SKP2: variants seen among roughly 807,000 people sequenced by gnomAD.
SKP2 encodes the protein S-phase kinase associated protein 2.
In SKP2, 16 loss-of-function variants were observed where a neutral mutation model predicts 51.8. The observed-to-expected ratio is 0.31, with a 90% CI of 0.21 to 0.47. SKP2 has a LOEUF of 0.47. Ranked by LOEUF, SKP2 falls within the 20% of genes least tolerant of loss-of-function variation. The pLI, the probability that SKP2 is intolerant of heterozygous loss-of-function variation, is 1.00. For synonymous variants in SKP2, 176 were observed against 198.6 expected, an observed-to-expected ratio of 0.89 and a Z score of 0.96; for missense variants, 377 against 505.3, an observed-to-expected ratio of 0.75 and a Z score of 2.43.
At chr5:36,160,951 G>A (rs1202729342) in intron 2 of SKP2, among the ~76,000 whole-genome samples, 5 of 152,072 alleles carry the variant, frequency 3.3e-5, no homozygotes, top group African/African-American at 9.7e-5. Flanking sequence ...CCTGAAGGGC[G>A]TGAGGCTAGG....
chr5:36,181,848 A>G lies in SKP2; in HGVS notation c.1092A>G (p.Thr364=), dbSNP rs200260153. The G allele has an allele frequency of 6.2e-7, 1 of 1,613,686 alleles. No individual in the cohort carries two copies. The highest frequency in any genetic ancestry group is 1.3e-5 in the African/African-American group (1 of 75,034). ...TTGGAGAAATTCCCACACTAAAAAC[A>G]CTACAAGTTTTTGGAATCGTGCCAG... ...LELGEIPTLK[T]LQVFGIVPDG... is the part of the protein sequence containing the mutation. The change falls in exon 10 of 10, where the codon ACA becomes ACG. Residue 364 remains threonine, a synonymous_variant. Coordinates refer to ENST00000274255, the MANE Select transcript of SKP2 (RefSeq NM_005983.4).
chr5:36,180,341 T>G (rs1324308268), intron 9 of SKP2: 1 of 937,804 alleles, frequency 1.1e-6, no homozygotes, highest in Non-Finnish European at 1.5e-6. Flanking sequence ...ACTTCGACAG[T>G]GTTTCTACAT....
At chr5:36,153,373 T>C (rs1358951817) in intron 2 of SKP2, among the ~76,000 whole-genome samples, 1 of 152,154 alleles carries the variant, frequency 6.6e-6, no homozygotes, top group African/African-American at 2.4e-5. Context: ...ACATAAACAG[T>C]GGTCTTCTTG....
intron 9 of SKP2, 76 bp downstream of exon 9, chr5:36,177,368 T>A (rs1362011948): frequency 4.5e-6 from 4 of 893,130 alleles, no homozygotes; most frequent in Non-Finnish European, 7.5e-6. Flanking sequence ...AAAATCCATT[T>A]TTATTAATAG....
intron 9 of SKP2, 32 bp from the exon 10 acceptor site, chr5:36,181,786 G>C (rs536339459): frequency 3.5e-5 from 57 of 1,612,330 alleles, no homozygotes; most frequent in Non-Finnish European, 4.8e-5. Flanking sequence ...CATAGATACT[G>C]CTATTCTGAA....
At chr5:36,175,378 T>C (rs954641829) in intron 7 of SKP2, among the ~76,000 whole-genome samples, 5 of 152,046 alleles carry the variant, frequency 3.3e-5, no homozygotes, top group African/African-American at 1.2e-4. Flanking sequence ...AACGGTATGT[T>C]GAGGAGGCAG....
At chr5:36,192,257 A>G (rs1490920220) in intron 6 of SKP2, among the ~76,000 whole-genome samples, 1 of 152,168 alleles carries the variant, frequency 6.6e-6, no homozygotes, top group African/African-American at 2.4e-5. Flanking sequence ...AAAAAATAAA[A>G]TTGAACTATT....
At chr5:36,165,209 A>G (rs1745247861) in intron 3 of SKP2, among the ~76,000 whole-genome samples, 1 of 152,164 alleles carries the variant, frequency 6.6e-6, no homozygotes, top group Non-Finnish European at 1.5e-5. Context: ...AGAGGTGAGG[A>G]AACTGCAGGG....
rs1364462782 is a variant in SKP2 at position 36,182,320 on chromosome 5, C to T, written c.*289C>T. On this transcript the variant is annotated 3_prime_UTR_variant, in exon 10 of 10. Transcript: ENST00000274255. ...ACCTTAAAGAGCAAAATTTGAGCCA[C>T]CTCTTCCAAGTGCCCTTCTTACTAA... 2 of 1,141,994 alleles carry T rather than the reference C, an allele frequency of 1.8e-6. No homozygotes were observed. The highest frequency in any genetic ancestry group is 4.9e-5 in the East Asian group (1 of 20,444). 70.7% of individuals were successfully genotyped at this position (1,141,994 alleles called of 1,614,324 possible). A position where few individuals can be genotyped will look rare whatever the true frequency, so the allele number is the denominator to read the frequency against.
At chr5:36,180,306 A>G (rs1481374345) in intron 9 of SKP2, 4 of 1,296,586 alleles carry the variant, frequency 3.1e-6, no homozygotes, top group Non-Finnish European at 4.1e-6. Context: ...GATTAAGTAT[A>G]AGTATCTGTG....
chr5:36,162,738 C>T (rs1745160801), intron 2 of SKP2, among the ~76,000 whole-genome samples: 3 of 152,132 alleles, frequency 2.0e-5, no homozygotes, highest in Admixed American at 2.0e-4. Context: ...TGAAAGAAAG[C>T]ATATTAGTCT....
At chr5:36,192,918 C>T (rs1009584207) in intron 7 of SKP2, 5 of 151,970 alleles carry the variant, frequency 3.3e-5, no homozygotes, top group South Asian at 4.2e-4. Flanking sequence ...CATAGGGTTG[C>T]GATTAAAAGG....
rs147830486 is a variant in SKP2 at position 36,182,034 on chromosome 5, T to C, written c.*3T>C. On this transcript the variant is annotated 3_prime_UTR_variant, in exon 10 of 10. Coordinates refer to ENST00000274255, the MANE Select transcript of SKP2 (RefSeq NM_005983.4). ...TGCAAAAGCCCAGTTGTCTATGAAG[T>C]ATTTATTGCAGGATGGTGTCTCTTC... The C allele has an allele frequency of 6.2e-7, 1 of 1,613,858 alleles. No individual in the cohort carries two copies. The highest frequency in any genetic ancestry group is 8.5e-7 in the Non-Finnish European group (1 of 1,179,820).
At chr5:36,189,783 G>C (rs1006111636) in intron 6 of SKP2, among the ~76,000 whole-genome samples, 1 of 152,204 alleles carries the variant, frequency 6.6e-6, no homozygotes, top group Non-Finnish European at 1.5e-5. Context: ...AGAGGTTTCT[G>C]CTGCCTTTTG....
At position 36,190,895 on chromosome 5, in the gene SKP2, T is replaced by C. The variant is rs1746009830; in HGVS notation, c.633-1726T>C. ...ATTTTCCTGCGTGAATCCTGAAGCATTGTATATCAAGATGGTGTTGACAAT... is the reference window on the plus strand; with the variant it reads ...ATTTTCCTGCGTGAATCCTGAAGCACTGTATATCAAGATGGTGTTGACAAT... On this transcript the variant is annotated intron_variant, in intron 6 of 7. Transcript: ENST00000677886. 2.6e-5 allele frequency among the ~76,000 whole-genome samples: 4 copies of C among 152,248 alleles called. No homozygotes were observed. The South Asian group carries it at 6.2e-4, about 24-fold the overall frequency.
At chr5:36,191,942 A>G (rs1436253129) in intron 6 of SKP2, among the ~76,000 whole-genome samples, 2 of 152,176 alleles carry the variant, frequency 1.3e-5, no homozygotes, top group African/African-American at 2.4e-5. Context: ...TTGAGTTACT[A>G]TGTTTTAGCA....
chr5:36,183,776 G>C lies in SKP2; in HGVS notation c.*1745G>C. The stretch of plus-strand genomic sequence containing the variant: ...TTTAAAGTTGGGTTGCACAGGAAAT[G>C]ATGATGCTTCAATTTCTTAATAGTT... On this transcript the variant is annotated 3_prime_UTR_variant, in exon 10 of 10. Transcript: ENST00000274255. The C allele has an allele frequency of 6.8e-7, 1 of 1,477,870 alleles. No homozygotes were observed. The highest frequency in any genetic ancestry group is 8.9e-7 in the Non-Finnish European group (1 of 1,118,170). The allele number at this position is 1,477,870 out of a possible 1,614,324, so 91.5% of individuals were successfully genotyped here.
intron 2 of SKP2, among the ~76,000 whole-genome samples, chr5:36,155,812 C>G (rs891611846): frequency 6.6e-6 from 1 of 152,144 alleles, no homozygotes; most frequent in Non-Finnish European, 1.5e-5. Flanking sequence ...TGCCCTTCCA[C>G]AAGTGAAAAA....
chr5:36,188,751 T>A (rs1745978984), downstream of SKP2, among the ~76,000 whole-genome samples: 1 of 152,178 alleles, frequency 6.6e-6, no homozygotes, highest in Non-Finnish European at 1.5e-5. Context: ...GTGTTCTCTG[T>A]ATTTCCTGAA....
Sources: gnomAD v4.1 joint callset for allele counts (sites outside exome capture counted in the v4.1 genomes callset) on GRCh38, gnomAD v4.1.1 for gene constraint, MANE v1.5 for transcripts, NCBI Gene and HGNC (gene_info 2026-07-23, HGNC 2026-07-21) for gene names.